Variants in RYR2 observed in about 807,000 individuals in gnomAD.
RYR2 encodes cardiac muscle ryanodine receptor-calcium release channel.
A neutral mutation model predicts 601.1 loss-of-function variants in RYR2; 227 were observed. That is an observed-to-expected ratio of 0.38 (90% CI 0.34 to 0.42). RYR2 has a LOEUF of 0.42. Ranked by LOEUF, RYR2 falls within the 10% of genes least tolerant of loss-of-function variation. The pLI, the probability that RYR2 is intolerant of heterozygous loss-of-function variation, is 1.00. For synonymous variants in RYR2, 2,223 were observed against 2,175.1 expected, an observed-to-expected ratio of 1.02 and a Z score of -0.61; for missense variants, 4,646 against 6,156.5, an observed-to-expected ratio of 0.75 and a Z score of 8.21.
At position 237,702,906 on chromosome 1, in the gene RYR2, T is replaced by C. The variant is rs560581216; in HGVS notation, c.9449+847T>C. Among the ~76,000 whole-genome samples the C allele has an allele frequency of 6.6e-5, 10 of 152,162 alleles. No homozygotes were observed. In the South Asian group the frequency reaches 2.1e-3, roughly 32 times the overall value. On this transcript the variant is annotated intron_variant, in intron 66 of 104. Transcript: ENST00000366574. ...AAATTAGATCAATGGAAAAACATAATTGGGTTTACTCTGAACATTTTACAT... is the reference window on the plus strand; with the variant it reads ...AAATTAGATCAATGGAAAAACATAACTGGGTTTACTCTGAACATTTTACAT...
intron 25 of RYR2, among the ~76,000 whole-genome samples, chr1:237,538,743 C>T (rs1159787393): frequency 1.3e-5 from 2 of 151,040 alleles, no homozygotes; most frequent in Admixed American, 6.6e-5. Flanking sequence ...TGCACTCCAG[C>T]CTGGGTGACA....
rs1473433683 is a variant in RYR2, at chr1:237,454,421, G to A, written c.1323G>A (p.Lys441=). 1.2e-6 allele frequency: 2 copies of A among 1,612,066 alleles called. No homozygotes were observed. The highest frequency in any genetic ancestry group is 2.7e-5 in the African/African-American group (2 of 74,866). ...TTGATGCTCTCAGCAAGAAAGCGAAGGCTTCCACAGTCGATTTGCCTATAG... is the reference window on the plus strand; with the variant it reads ...TTGATGCTCTCAGCAAGAAAGCGAAAGCTTCCACAGTCGATTTGCCTATAG... ...RGLDALSKKA[K]ASTVDLPIES... is the part of the protein sequence containing the mutation. Residue 441 remains lysine (K), a synonymous_variant, in exon 15 of 105, where the codon AAG becomes AAA. Coordinates refer to ENST00000366574, the MANE Select transcript of RYR2 (RefSeq NM_001035.3).
Position 237,819,884 on chromosome 1 carries a change from G to T in RYR2, c.14590+692G>T, listed in dbSNP as rs1031851770. ...AACTTCTAAGCCCTGTGGTTGTTGA[G>T]ATTTTTAAAAATGACATACAGGCCA... is the stretch of plus-strand genomic sequence containing the variant. On this transcript the variant is annotated intron_variant, in intron 101 of 104. Transcript: ENST00000366574. The surrounding 1 kb of genome is among the most constrained non-coding windows in gnomAD (Gnocchi z 4.0). Among the ~76,000 whole-genome samples, 15 of 151,926 alleles carry T rather than the reference G, an allele frequency of 9.9e-5. No homozygotes were observed. The South Asian group carries it at 2.7e-3, about 27-fold the overall frequency.
chr1:237,541,888 T>G (rs988359135), intron 25 of RYR2, among the ~76,000 whole-genome samples: 2 of 152,224 alleles, frequency 1.3e-5, no homozygotes, highest in Admixed American at 1.3e-4. Flanking sequence ...ACTTCTTTTG[T>G]GGTGGAATGT....
At chr1:237,263,728 G>A (rs1309669836) in intron 1 of RYR2, among the ~76,000 whole-genome samples, 1 of 152,166 alleles carries the variant, frequency 6.6e-6, no homozygotes, top group African/African-American at 2.4e-5. Context: ...AATTGGATTA[G>A]AGGTCATCTA....
chr1:237,407,497 C>A (rs1704016207), intron 10 of RYR2, among the ~76,000 whole-genome samples: 1 of 151,984 alleles, frequency 6.6e-6, no homozygotes, highest in African/African-American at 2.4e-5. Context: ...AGTGATACCT[C>A]AAGTTGCAAA....
intron 71 of RYR2, among the ~76,000 whole-genome samples, chr1:237,715,480 T>C (rs2149094576): frequency 6.6e-6 from 1 of 152,350 alleles, no homozygotes; most frequent in South Asian, 2.1e-4. Context: ...TGTGTATAAG[T>C]AGGAATTCAT....
chr1:237,221,268 G>A (rs527686825), intron 1 of RYR2, among the ~76,000 whole-genome samples: 2 of 152,124 alleles, frequency 1.3e-5, no homozygotes, highest in African/African-American at 2.4e-5. Context: ...AGACTTGCAT[G>A]GAAAACATTG....
At chr1:237,813,793 CTATT>C (rs1307226088) in intron 100 of RYR2, among the ~76,000 whole-genome samples, 1 of 152,124 alleles carries the variant, frequency 6.6e-6, no homozygotes, top group Non-Finnish European at 1.5e-5. Flanking sequence ...ATGAGTAAGA[CTATT>C]TATGACCAGC....
intron 17 of RYR2, among the ~76,000 whole-genome samples, chr1:237,472,660 ATG>A (rs1660858219): frequency 6.8e-6 from 1 of 146,368 alleles, no homozygotes; most frequent in Non-Finnish European, 1.5e-5. Context: ...CATTTTTAGA[ATG>A]TGTGATAGGA....
At chr1:237,108,959 A>G (rs913794314) in intron 1 of RYR2, among the ~76,000 whole-genome samples, 14 of 152,196 alleles carry the variant, frequency 9.2e-5, no homozygotes, top group African/African-American at 2.4e-4. Flanking sequence ...GCACACTTCA[A>G]TATCACTCTT....
At chr1:237,422,005 G>A (rs1705642961) in intron 11 of RYR2, among the ~76,000 whole-genome samples, 1 of 151,670 alleles carries the variant, frequency 6.6e-6, no homozygotes, top group South Asian at 2.1e-4. Context: ...TAGTTTTCTT[G>A]CGTGCTTTGA....
At chr1:237,108,207 C>T (rs556907569) in intron 1 of RYR2, among the ~76,000 whole-genome samples, 11 of 152,276 alleles carry the variant, frequency 7.2e-5, no homozygotes, top group Admixed American at 5.2e-4. Context: ...TTAGACTTAG[C>T]GACCCAGAAC....
chr1:237,446,445 A>G (rs1708344634), intron 14 of RYR2, among the ~76,000 whole-genome samples: 1 of 152,120 alleles, frequency 6.6e-6, no homozygotes, highest in African/African-American at 2.4e-5. Flanking sequence ...TGTTATGTTT[A>G]GAGATATTCA....
intron 16 of RYR2, among the ~76,000 whole-genome samples, chr1:237,457,782 A>C (rs1452702013): frequency 6.6e-6 from 1 of 152,198 alleles, no homozygotes; most frequent in African/African-American, 2.4e-5. Context: ...CAAGATGTGC[A>C]AAAACAGAGA....
intron 25 of RYR2, among the ~76,000 whole-genome samples, chr1:237,541,744 G>A (rs1406151308): frequency 1.3e-5 from 2 of 152,124 alleles, no homozygotes; most frequent in Non-Finnish European, 2.9e-5. Flanking sequence ...TACAGTCAAA[G>A]GGGATTTGTT....
At chr1:237,406,210 T>TTCCCC (rs1325380873) in intron 10 of RYR2, among the ~76,000 whole-genome samples, 3 of 33,958 alleles carry the variant, frequency 8.8e-5, no homozygotes, top group African/African-American at 2.1e-4. Context: ...CTCCCCTCCC[T>TTCCCC]TCCCCTCCCC....
chr1:237,639,428 A>C, intron 46 of RYR2, among the ~76,000 whole-genome samples: 1 of 150,810 alleles, frequency 6.6e-6, no homozygotes, highest in East Asian at 2.0e-4. Context: ...GCAGAGGGAA[A>C]TTTAGGTTGT....
intron 4 of RYR2, among the ~76,000 whole-genome samples, chr1:237,358,770 A>G (rs1350149893): frequency 6.6e-6 from 1 of 151,866 alleles, no homozygotes; most frequent in Non-Finnish European, 1.5e-5. Flanking sequence ...GCATAGTAAG[A>G]CACCAGTCTA....
Sources: gnomAD v4.1 joint callset for allele counts (sites outside exome capture counted in the v4.1 genomes callset) on GRCh38, gnomAD v4.1.1 for gene constraint, Gnocchi (gnomAD v3.1) non-coding constraint, MANE v1.5 for transcripts, NCBI Gene and HGNC (gene_info 2026-07-23, HGNC 2026-07-21) for gene names.